Variants in DLG1 observed in about 807,000 individuals in gnomAD.
DLG1 encodes discs large MAGUK scaffold protein 1.
In DLG1, 42 loss-of-function variants were observed where a neutral mutation model predicts 123.4. The observed-to-expected ratio is 0.34, with a 90% CI of 0.27 to 0.44. The LOEUF is 0.44. Among genes scored for constraint, DLG1 ranks in the 20% least tolerant of loss-of-function variants. DLG1 has a pLI of 1.00. For synonymous variants in DLG1, 317 were observed against 356.2 expected (o/e 0.89, Z 1.24); for missense variants, 942 against 1,082.6 (o/e 0.87, Z 1.82).
chr3:197,244,296 A>C (rs1403480956), intron 4 of DLG1, among the ~76,000 whole-genome samples: 1 of 152,200 alleles, frequency 6.6e-6, no homozygotes, highest in Non-Finnish European at 1.5e-5. Flanking sequence ...GTTGGAAGGG[A>C]ACTACCATAC....
chr3:197,048,959 C>A (rs1258227084), intron 24 of DLG1, among the ~76,000 whole-genome samples: 1 of 152,082 alleles, frequency 6.6e-6, no homozygotes, highest in Non-Finnish European at 1.5e-5. Flanking sequence ...GCCCAGCCAC[C>A]TCAAAAAATT....
chr3:197,134,766 C>G (rs1784296502), intron 10 of DLG1, among the ~76,000 whole-genome samples: 1 of 152,244 alleles, frequency 6.6e-6, no homozygotes, highest in African/African-American at 2.4e-5. Context: ...ACCTGTCATA[C>G]CACTGCAACT....
chr3:197,140,028 T>C, intron 8 of DLG1, 112 bp downstream of exon 8: 2 of 1,196,390 alleles, frequency 1.7e-6, no homozygotes, highest in Non-Finnish European at 2.4e-6. Flanking sequence ...GCATCTACCC[T>C]ATGCTAGTTA....
intron 23 of DLG1, among the ~76,000 whole-genome samples, chr3:197,054,028 C>G (rs1215186795): frequency 1.3e-5 from 2 of 148,500 alleles, no homozygotes; most frequent in African/African-American, 2.5e-5. Flanking sequence ...GAAGTTAAGA[C>G]AGCAGTAACC....
At chr3:197,256,474 C>A (rs767588394) in intron 4 of DLG1, among the ~76,000 whole-genome samples, 13 of 152,228 alleles carry the variant, frequency 8.5e-5, no homozygotes, top group Non-Finnish European at 8.8e-5. Context: ...TCTTTAAAAC[C>A]GTCTCTTCTA....
chr3:197,095,689 CT>C (rs1165558031), intron 14 of DLG1, among the ~76,000 whole-genome samples: 4 of 152,120 alleles, frequency 2.6e-5, no homozygotes, highest in African/African-American at 9.7e-5. Flanking sequence ...TTACTTTTCC[CT>C]TTTGCAAATA....
At chr3:197,048,731 C>T (rs1182707922) in intron 24 of DLG1, among the ~76,000 whole-genome samples, 1 of 152,180 alleles carries the variant, frequency 6.6e-6, no homozygotes, top group Non-Finnish European at 1.5e-5. Flanking sequence ...TCTTGGCTCA[C>T]TGCAACCTCC....
chr3:197,105,069 TC>T, intron 13 of DLG1, 64 bp from the exon 14 acceptor site: 1 of 1,081,930 alleles, frequency 9.2e-7, no homozygotes, highest in Non-Finnish European at 1.4e-6. Flanking sequence ...ATCACAATAG[TC>T]TATTCTTTGA....
intron 13 of DLG1, among the ~76,000 whole-genome samples, chr3:197,109,268 G>A (rs1768402122): frequency 6.6e-6 from 1 of 152,242 alleles, no homozygotes; most frequent in South Asian, 2.1e-4. Flanking sequence ...TACTCGGGAG[G>A]CTGAGGCACG....
chr3:197,289,162 T>C (rs1175636564), intron 3 of DLG1, among the ~76,000 whole-genome samples: 1 of 152,250 alleles, frequency 6.6e-6, no homozygotes, highest in Non-Finnish European at 1.5e-5. Flanking sequence ...ACAATTGTGC[T>C]GTAATTAACA....
intron 11 of DLG1, among the ~76,000 whole-genome samples, chr3:197,122,265 T>A (rs758901750): frequency 6.6e-6 from 1 of 152,056 alleles, no homozygotes. Context: ...ATTCAATACT[T>A]ACAGGATAAA....
chr3:197,088,702 C>A (rs1578903909), intron 15 of DLG1, among the ~76,000 whole-genome samples: 1 of 152,174 alleles, frequency 6.6e-6, no homozygotes, highest in African/African-American at 2.4e-5. Context: ...AACTATCAGA[C>A]CGTATGTGTG....
At chr3:197,069,512 A>G (rs553215263) in intron 18 of DLG1, 2 of 282,008 alleles carry the variant, frequency 7.1e-6, no homozygotes, top group South Asian at 1.2e-4. Flanking sequence ...AATAGCAAGT[A>G]GAATATGACA....
intron 4 of DLG1, among the ~76,000 whole-genome samples, chr3:197,238,332 G>A (rs1173305742): frequency 6.6e-6 from 1 of 152,188 alleles, no homozygotes; most frequent in African/African-American, 2.4e-5. Context: ...ACAGATGTTA[G>A]ACTTACCTAA....
At chr3:197,081,221 T>C in intron 16 of DLG1, 104 bp from the exon 17 acceptor site, 1 of 1,028,658 alleles carries the variant, frequency 9.7e-7, no homozygotes, top group Non-Finnish European at 1.4e-6. Context: ...TTTTATACTC[T>C]AAAACCTTTA....
At position 197,118,782 on chromosome 3, in the gene DLG1, A is replaced by G. The variant is rs1774688179; in HGVS notation, c.1286+628T>C. On this transcript the variant is annotated intron_variant, in intron 12 of 24. Coordinates refer to ENST00000667157, the MANE Select transcript of DLG1 (RefSeq NM_001366207.1). ...TTAATCTATACATTTCAGTGCAGGT[A>G]GTAATTTTAGATGAAAGTAAATTTT... Among the ~76,000 whole-genome samples the G allele has an allele frequency of 1.3e-5, 2 of 152,218 alleles. 1 individual carries two copies. Among genetic ancestry groups the G allele is most frequent in the Admixed American group, 1.3e-4 (2 of 15,278 alleles).
chr3:197,056,944 T>C (rs1256580417), intron 23 of DLG1, among the ~76,000 whole-genome samples: 1 of 152,258 alleles, frequency 6.6e-6, no homozygotes, highest in Non-Finnish European at 1.5e-5. Context: ...ACTTGTGAGA[T>C]TCTTCTATAC....
At chr3:197,110,595 G>A (rs1029182693) in intron 13 of DLG1, among the ~76,000 whole-genome samples, 1 of 152,094 alleles carries the variant, frequency 6.6e-6, no homozygotes, top group Non-Finnish European at 1.5e-5. Context: ...ACGAAAAATA[G>A]GCATTTAAAA....
intron 5 of DLG1, chr3:197,183,588 G>T (rs1561308483): frequency 1.9e-6 from 3 of 1,550,400 alleles, no homozygotes; most frequent in Non-Finnish European, 2.6e-6. Flanking sequence ...GGTGGAGCTG[G>T]TGGCTACCGA....
Sources: gnomAD v4.1 joint callset for allele counts (sites outside exome capture counted in the v4.1 genomes callset) on GRCh38, gnomAD v4.1.1 for gene constraint, MANE v1.5 for transcripts, NCBI Gene and HGNC (gene_info 2026-07-23, HGNC 2026-07-21) for gene names.